The following ANKRD44 variants were observed in gnomAD, a reference collection of about 807,000 sequenced individuals.
ANKRD44 encodes the protein ankyrin repeat domain 44.
In ANKRD44, 35 loss-of-function variants were observed where a neutral mutation model predicts 116.0. The ratio of observed to expected loss-of-function variants is 0.30; its 90% CI spans 0.23 to 0.40. The LOEUF is 0.40. Ranked by LOEUF, ANKRD44 falls within the 10% of genes least tolerant of loss-of-function variation. The pLI, the probability that ANKRD44 is intolerant of heterozygous loss-of-function variation, is 1.00. For missense variants in ANKRD44, 1,014 were observed against 1,242.6 expected, an observed-to-expected ratio of 0.82 and a Z score of 2.77; for synonymous variants, 435 against 461.8, an observed-to-expected ratio of 0.94 and a Z score of 0.74.
intron 1 of ANKRD44, among the ~76,000 whole-genome samples, chr2:197,300,141 A>G (rs768572100): frequency 2.4e-4 from 37 of 152,240 alleles, no homozygotes; most frequent in Non-Finnish European, 4.7e-4. Context: ...TTAGGCACAA[A>G]TTCATCAATT....
chr2:196,967,093 G>A (rs2075677327), exon 22 of ANKRD44: 1 of 157,758 alleles, frequency 6.3e-6, no homozygotes, highest in Non-Finnish European at 1.4e-5. Flanking sequence ...ATTTAACAAT[G>A]AAAGAAATCA....
At chr2:197,213,169 AC>A (rs1294503090) in intron 1 of ANKRD44, among the ~76,000 whole-genome samples, 1 of 152,212 alleles carries the variant, frequency 6.6e-6, no homozygotes, top group Admixed American at 6.5e-5. Context: ...GGGCTTAGCC[AC>A]CCAGCGAGCT....
chr2:197,011,180 T>C (rs1164272645), intron 18 of ANKRD44, among the ~76,000 whole-genome samples: 1 of 152,222 alleles, frequency 6.6e-6, no homozygotes. Context: ...AGGAAATGAC[T>C]GGCAAAGGAC....
intron 2 of ANKRD44, among the ~76,000 whole-genome samples, chr2:197,154,443 T>C (rs944477450): frequency 1.3e-5 from 2 of 152,096 alleles, no homozygotes; most frequent in African/African-American, 4.8e-5. Context: ...CCTCCCAAAG[T>C]GCTGGGATTA....
intron 17 of ANKRD44, among the ~76,000 whole-genome samples, chr2:197,019,081 A>T (rs2076446620): frequency 6.6e-6 from 1 of 152,206 alleles, no homozygotes; most frequent in Non-Finnish European, 1.5e-5. Context: ...TATGTGGAAT[A>T]GAGACAAAAT....
At chr2:197,001,923 T>A in intron 21 of ANKRD44, 83 bp from the exon 22 acceptor site, 2 of 1,019,410 alleles carry the variant, frequency 2.0e-6, no homozygotes, top group Non-Finnish European at 2.9e-6. Context: ...AAGTATTGAG[T>A]TTTTGGTTTA....
At chr2:196,977,966 TCCA>T (rs1024052199) in intron 21 of ANKRD44, among the ~76,000 whole-genome samples, 117 of 152,146 alleles carry the variant, frequency 7.7e-4, no homozygotes, top group African/African-American at 2.7e-3. Context: ...AACCCAAATG[TCCA>T]CCAACTGATG....
intron 16 of ANKRD44, among the ~76,000 whole-genome samples, chr2:197,045,151 G>A (rs2076979529): frequency 6.6e-6 from 1 of 150,686 alleles, no homozygotes; most frequent in African/African-American, 2.4e-5. Flanking sequence ...ATACAAGCTT[G>A]TCCTATGATA....
chr2:197,200,482 C>G (rs1282304443), intron 1 of ANKRD44, among the ~76,000 whole-genome samples: 1 of 152,118 alleles, frequency 6.6e-6, no homozygotes, highest in Non-Finnish European at 1.5e-5. Flanking sequence ...CTCCTCCCAC[C>G]ACCACCACTC....
At chr2:196,970,403 G>A (rs963988783) in intron 21 of ANKRD44, among the ~76,000 whole-genome samples, 23 of 152,176 alleles carry the variant, frequency 1.5e-4, no homozygotes, top group African/African-American at 5.3e-4. Context: ...ACAGTTGAAG[G>A]AAGCTTTAAG....
At chr2:197,240,236 G>T (rs1317306264) in intron 1 of ANKRD44, among the ~76,000 whole-genome samples, 2 of 151,770 alleles carry the variant, frequency 1.3e-5, no homozygotes, top group Non-Finnish European at 2.9e-5. Flanking sequence ...TGAGCTGGGC[G>T]TGGTGGTGTG....
chr2:197,068,456 G>T (rs968323666), intron 16 of ANKRD44, among the ~76,000 whole-genome samples: 1 of 144,230 alleles, frequency 6.9e-6, no homozygotes, highest in Non-Finnish European at 1.5e-5. Flanking sequence ...AGCCAAAATT[G>T]ACAAATGGGA....
At chr2:197,072,129 G>T (rs1411461959) in intron 16 of ANKRD44, among the ~76,000 whole-genome samples, 1 of 152,010 alleles carries the variant, frequency 6.6e-6, no homozygotes, top group African/African-American at 2.4e-5. Context: ...GGAGGGTAGG[G>T]GGAGGAAAGG....
rs1461706663 is a variant in ANKRD44 at position 197,212,399 on chromosome 2, T to A, written c.28-25293A>T. On this transcript the variant is annotated intron_variant, in intron 1 of 27. Coordinates refer to ENST00000282272, the MANE Select transcript of ANKRD44 (RefSeq NM_001195144.2). The surrounding 1 kb of genome is among the most constrained non-coding windows in gnomAD (Gnocchi z 4.8). ...TCTGCACTAAATATTTGAACCCCTATGTATTTAATGGTTATCTAGTCAGTC... is the reference window on the plus strand; with the variant it reads ...TCTGCACTAAATATTTGAACCCCTAAGTATTTAATGGTTATCTAGTCAGTC... 1.3e-5 allele frequency among the ~76,000 whole-genome samples: 2 copies of A among 152,178 alleles called. No individual in the cohort carries two copies. Among genetic ancestry groups the A allele is most frequent in the African/African-American group, 4.8e-5 (2 of 41,446 alleles).
At chr2:197,226,523 G>C (rs1184562085) in intron 1 of ANKRD44, among the ~76,000 whole-genome samples, 1 of 152,112 alleles carries the variant, frequency 6.6e-6, no homozygotes, top group Admixed American at 6.6e-5. Context: ...AATTAGCCAG[G>C]TGTGGTGGTG....
At chr2:197,241,253 C>T (rs988904266) in intron 1 of ANKRD44, among the ~76,000 whole-genome samples, 2 of 152,166 alleles carry the variant, frequency 1.3e-5, no homozygotes, top group African/African-American at 4.8e-5. Flanking sequence ...ATAAATTCTA[C>T]ACACACATAC....
At chr2:197,269,644 T>C (rs2082842236) in intron 1 of ANKRD44, among the ~76,000 whole-genome samples, 1 of 152,168 alleles carries the variant, frequency 6.6e-6, no homozygotes, top group African/African-American at 2.4e-5. Context: ...GTGGCATTTC[T>C]TTAAGCCATG....
At chr2:197,109,157 T>A (rs1364117178) in intron 9 of ANKRD44, among the ~76,000 whole-genome samples, 1 of 152,230 alleles carries the variant, frequency 6.6e-6, no homozygotes, top group Non-Finnish European at 1.5e-5. Flanking sequence ...CCAAGCTGTT[T>A]AAGTTTTGTT....
chr2:197,270,793 G>A (rs959615376), intron 1 of ANKRD44, among the ~76,000 whole-genome samples: 2 of 152,230 alleles, frequency 1.3e-5, no homozygotes, highest in Admixed American at 6.5e-5. Flanking sequence ...CAGGAATGGA[G>A]GGAGCGGAGC....
Sources: gnomAD v4.1 joint callset for allele counts (sites outside exome capture counted in the v4.1 genomes callset) on GRCh38, gnomAD v4.1.1 for gene constraint, Gnocchi (gnomAD v3.1) non-coding constraint, MANE v1.5 for transcripts, NCBI Gene and HGNC (gene_info 2026-07-23, HGNC 2026-07-21) for gene names.